Variants in ESRRG observed in about 807,000 individuals in gnomAD.
The protein encoded by ESRRG is estrogen related receptor gamma.
In ESRRG, 13 loss-of-function variants were observed where a neutral mutation model predicts 44.0. The observed-to-expected ratio is 0.30, with a 90% CI of 0.19 to 0.47. The LOEUF (loss-of-function observed/expected upper bound fraction) is 0.47, where lower values mean the gene tolerates loss of function less well. Ranked by LOEUF, ESRRG falls within the 20% of genes least tolerant of loss-of-function variation. ESRRG has a pLI of 1.00. For missense variants in ESRRG, 395 were observed against 580.6 expected (o/e 0.68, Z 3.29); for synonymous variants, 215 against 214.6 (o/e 1.00, Z -0.02).
chr1:217,000,925 C>T (rs2818764), intron 1 of ESRRG, among the ~76,000 whole-genome samples: 2,641 of 152,326 alleles, frequency 0.017, 33 homozygotes, highest in Non-Finnish European at 0.028. Context: ...GGGACAATGC[C>T]GTTCACCGGC....
At chr1:216,517,960 G>A (rs985745623) in intron 6 of ESRRG, among the ~76,000 whole-genome samples, 2 of 152,084 alleles carry the variant, frequency 1.3e-5, no homozygotes, top group African/African-American at 2.4e-5. Context: ...CCTCCTATCA[G>A]TCTAAGGATT....
intron 2 of ESRRG, among the ~76,000 whole-genome samples, chr1:216,810,704 GT>G (rs2148460836): frequency 8.7e-5 from 2 of 23,018 alleles, no homozygotes; most frequent in South Asian, 2.1e-3. Context: ...AAAAATGGAT[GT>G]GTGTGTGTGT....
intron 1 of ESRRG, among the ~76,000 whole-genome samples, chr1:216,715,901 C>CA (rs1298392540): frequency 6.6e-6 from 1 of 151,904 alleles, no homozygotes; most frequent in Non-Finnish European, 1.5e-5. Flanking sequence ...AAGGAATTAT[C>CA]ATTTACAAAG....
At chr1:216,726,080 G>A (rs1193961600), upstream of ESRRG, among the ~76,000 whole-genome samples, 1 of 152,148 alleles carries the variant, frequency 6.6e-6, no homozygotes, top group East Asian at 1.9e-4. Context: ...TCATGCGTAA[G>A]TCATTGTTCT....
At chr1:216,878,313 A>G (rs1369545015) in intron 2 of ESRRG, among the ~76,000 whole-genome samples, 1 of 152,122 alleles carries the variant, frequency 6.6e-6, no homozygotes, top group Non-Finnish European at 1.5e-5. Context: ...TTTATACACT[A>G]GATACTAATC....
intron 1 of ESRRG, among the ~76,000 whole-genome samples, chr1:217,045,925 A>T (rs987494311): frequency 3.3e-5 from 5 of 152,192 alleles, no homozygotes; most frequent in African/African-American, 1.2e-4. Context: ...AGTATTTAAA[A>T]ATAAAATCAA....
chr1:216,583,506 A>G (rs1301610056), intron 3 of ESRRG, among the ~76,000 whole-genome samples: 1 of 152,192 alleles, frequency 6.6e-6, no homozygotes, highest in Admixed American at 6.5e-5. Context: ...ATCAGTCAAG[A>G]AGGTTGCTGC....
chr1:216,942,873 T>C (rs900297371), intron 1 of ESRRG, among the ~76,000 whole-genome samples: 2 of 152,164 alleles, frequency 1.3e-5, no homozygotes, highest in African/African-American at 2.4e-5. Flanking sequence ...TGTCTCTCTT[T>C]TGATAGTTCT....
intron 3 of ESRRG, among the ~76,000 whole-genome samples, chr1:216,645,921 T>G (rs1476227911): frequency 6.6e-6 from 1 of 150,764 alleles, no homozygotes; most frequent in Non-Finnish European, 1.5e-5. Context: ...CTTATGAAGT[T>G]AACAGGATTC....
At chr1:216,844,047 A>G (rs1382135037) in intron 2 of ESRRG, among the ~76,000 whole-genome samples, 1 of 152,140 alleles carries the variant, frequency 6.6e-6, no homozygotes. Flanking sequence ...TTAGACAATG[A>G]AAATACAATT....
chr1:216,975,491 T>C (rs2072688371), intron 1 of ESRRG, among the ~76,000 whole-genome samples: 1 of 152,220 alleles, frequency 6.6e-6, no homozygotes, highest in South Asian at 2.1e-4. Context: ...GCAGTTGCCC[T>C]GCCAATTTGG....
intron 6 of ESRRG, among the ~76,000 whole-genome samples, chr1:216,518,511 A>G (rs569689553): frequency 6.6e-6 from 1 of 152,292 alleles, no homozygotes; most frequent in East Asian, 1.9e-4. Flanking sequence ...ATGCTAAAAG[A>G]GACTTAAGAC....
intron 1 of ESRRG, among the ~76,000 whole-genome samples, chr1:217,055,949 A>T (rs2086998262): frequency 6.6e-6 from 1 of 152,098 alleles, no homozygotes; most frequent in Non-Finnish European, 1.5e-5. Flanking sequence ...AGGCTCACCA[A>T]ACTGTATCTC....
chr1:216,881,209 A>T (rs2576262), intron 2 of ESRRG, among the ~76,000 whole-genome samples: 1 of 151,922 alleles, frequency 6.6e-6, no homozygotes, highest in Admixed American at 6.6e-5. Flanking sequence ...AACATATTCC[A>T]TAATTTCCTC....
In ESRRG at chr1:216,838,192, C is replaced by T. The variant is rs11811505; in HGVS notation, c.-14+101390G>A. Reference sequence around the variant, plus strand: ...GCCAAGCACCTGAAGCCAGGAATTGCGAGGGAACAGAGAGATCATTATGTG... The same window carrying T: ...GCCAAGCACCTGAAGCCAGGAATTGTGAGGGAACAGAGAGATCATTATGTG... On this transcript the variant is annotated intron_variant, in intron 2 of 7. Coordinates refer to the ESRRG transcript ENST00000359162. Among the ~76,000 whole-genome samples, 530 of 152,144 alleles carry T rather than the reference C, an allele frequency of 3.5e-3. 4 individuals carry two copies. Among genetic ancestry groups the T allele is most frequent in the African/African-American group, 0.012 (515 of 41,492 alleles).
At chr1:216,634,123 C>T (rs1310029650) in intron 3 of ESRRG, among the ~76,000 whole-genome samples, 6 of 152,164 alleles carry the variant, frequency 3.9e-5, no homozygotes, top group African/African-American at 1.2e-4. Context: ...ACTGATCATT[C>T]CTTTTCCACG....
chr1:216,774,865 G>A (rs1023390583), intron 2 of ESRRG, among the ~76,000 whole-genome samples: 7 of 145,414 alleles, frequency 4.8e-5, no homozygotes, highest in African/African-American at 1.8e-4. Context: ...GCAGTGGCAC[G>A]AGCACAGCTC....
intron 1 of ESRRG, among the ~76,000 whole-genome samples, chr1:217,026,147 C>T (rs2081146427): frequency 6.6e-6 from 1 of 152,176 alleles, no homozygotes; most frequent in Admixed American, 6.5e-5. Flanking sequence ...CTTTCTGCAA[C>T]TCGTGATTTA....
chr1:216,823,533 A>T (rs78232955), intron 2 of ESRRG, among the ~76,000 whole-genome samples: 1 of 152,270 alleles, frequency 6.6e-6, no homozygotes, highest in Non-Finnish European at 1.5e-5. Flanking sequence ...CTGCTTGGAT[A>T]TGGGTTTCCT....
Sources: allele counts gnomAD v4.1 joint callset (sites outside exome capture counted in the v4.1 genomes callset), GRCh38; gene constraint gnomAD v4.1.1; transcripts MANE v1.5; gene names NCBI Gene and HGNC (gene_info 2026-07-23, HGNC 2026-07-21).